The following VCAN variants were observed in gnomAD, a reference collection of about 807,000 sequenced individuals.
The protein encoded by VCAN is versican.
A neutral mutation model predicts 245.5 loss-of-function variants in VCAN; 44 were observed. The ratio of observed to expected loss-of-function variants is 0.18; its 90% CI spans 0.14 to 0.23. VCAN has a LOEUF of 0.23. Ranked by LOEUF, VCAN falls within the 10% of genes least tolerant of loss-of-function variation. The pLI is 1.00. For synonymous variants in VCAN, 1,413 were observed against 1,437.0 expected (o/e 0.98, Z 0.38); for missense variants, 3,793 against 4,057.9 (o/e 0.93, Z 1.77).
At chr5:83,567,137 G>A (rs972785948) in intron 12 of VCAN, among the ~76,000 whole-genome samples, 5 of 152,004 alleles carry the variant, frequency 3.3e-5, no homozygotes, top group Non-Finnish European at 7.4e-5. Context: ...TTACAGACCT[G>A]GAGAACTAGT....
At position 83,538,542 on chromosome 5, in the gene VCAN, A is replaced by T; in HGVS notation, c.5539A>T (p.Thr1847Ser). Residue 1847 changes from threonine to serine, a missense_variant, in exon 8 of 15, where the codon ACC (threonine) becomes TCC (serine). Transcript: ENST00000265077. ...AGAAGCTGCTGCCGACCCAGAAACC[A>T]CCACTGTTTCTTCATTTTCATTAAA... ...SGEAAADPET[T>S]TVSSFSLNVE... is the part of the protein sequence containing the mutation. 1 of 1,614,048 alleles carries T rather than the reference A, an allele frequency of 6.2e-7. No individual in the cohort carries two copies. Among genetic ancestry groups the T allele is most frequent in the Non-Finnish European group, 8.5e-7 (1 of 1,179,964 alleles).
rs199985410 is a variant in VCAN, at chr5:83,520,989, T to C, written c.2683T>C (p.Ser895Pro). The C allele has an allele frequency of 1.5e-5, 25 of 1,613,964 alleles. No homozygotes were observed. The Admixed American group carries it at 3.2e-4, about 20-fold the overall frequency. Residue 895 changes from serine to proline, a missense_variant, in exon 7 of 15, where the codon TCA becomes CCA. Transcript: ENST00000265077. ...TACATCAACTGGTATTGCAGAAAAG[T>C]CAACTTTGAGAGATTCTACAACTGA... is the stretch of plus-strand genomic sequence containing the variant. ...PTTSTGIAEK[S>P]TLRDSTTEEK... is the part of the protein sequence containing the mutation.
chr5:83,473,187 T>C (rs987708827), intron 1 of VCAN, among the ~76,000 whole-genome samples: 31 of 152,304 alleles, frequency 2.0e-4, no homozygotes, highest in Non-Finnish European at 3.5e-4. Context: ...GCGACATCCC[T>C]GGTGCGTGCA....
intron 2 of VCAN, among the ~76,000 whole-genome samples, chr5:83,488,479 C>A (rs957051485): frequency 1.9e-4 from 29 of 152,158 alleles, no homozygotes; most frequent in African/African-American, 7.0e-4. Context: ...CATCTGGGAG[C>A]TTATCCTTCC....
At chr5:83,505,732 C>G (rs1580614101) in intron 5 of VCAN, among the ~76,000 whole-genome samples, 2 of 152,196 alleles carry the variant, frequency 1.3e-5, no homozygotes, top group South Asian at 2.1e-4. Flanking sequence ...GGGGCTCCAA[C>G]CCCACATTTC....
chr5:83,564,850 CAT>C (rs1017169412), intron 12 of VCAN, among the ~76,000 whole-genome samples: 2 of 152,048 alleles, frequency 1.3e-5, no homozygotes, highest in Non-Finnish European at 2.9e-5. Context: ...TGACTACACA[CAT>C]GTCAAGAATG....
chr5:83,553,287 C>T (rs1747539698), intron 10 of VCAN, 77 bp from the exon 11 acceptor site: 1 of 1,583,832 alleles, frequency 6.3e-7, no homozygotes, highest in Non-Finnish European at 8.6e-7. Context: ...CTTGGGTATC[C>T]TACTAACACT....
At position 83,483,528 on chromosome 5, in the gene VCAN, A is replaced by G. The variant is rs1744684342; in HGVS notation, c.10A>G (p.Asn4Asp). The G allele has an allele frequency of 6.2e-7, 1 of 1,613,296 alleles. No individual in the cohort carries two copies. The change falls in exon 2 of 15, where the codon AAT becomes GAT. Residue 4 changes from asparagine to aspartate, a missense_variant. Coordinates refer to ENST00000265077, the MANE Select transcript of VCAN (RefSeq NM_004385.5). Reference sequence around the variant, plus strand: ...TCATTTCTAGGCCAAGATGTTCATAAATATAAAGAGCATCTTATGGATGTG... The same window carrying G: ...TCATTTCTAGGCCAAGATGTTCATAGATATAAAGAGCATCTTATGGATGTG... MFINIKSILWMCST... is the reference protein window; with the variant it reads MFIDIKSILWMCST...
At chr5:83,570,998 T>C (rs1417732550) in intron 12 of VCAN, among the ~76,000 whole-genome samples, 1 of 152,112 alleles carries the variant, frequency 6.6e-6, no homozygotes, top group Non-Finnish European at 1.5e-5. Context: ...AACAGATCTG[T>C]AGGCCCAGAA....
intron 7 of VCAN, among the ~76,000 whole-genome samples, chr5:83,532,450 A>G (rs1270532449): frequency 6.6e-6 from 1 of 152,108 alleles, no homozygotes; most frequent in Non-Finnish European, 1.5e-5. Flanking sequence ...AAAGTATGGG[A>G]AGAAATTATA....
At chr5:83,475,355 C>A (rs1015986293) in intron 1 of VCAN, among the ~76,000 whole-genome samples, 1 of 152,346 alleles carries the variant, frequency 6.6e-6, no homozygotes, top group African/African-American at 2.4e-5. Flanking sequence ...TTTTAAAGAT[C>A]TTTTCCATCA....
intron 5 of VCAN, among the ~76,000 whole-genome samples, chr5:83,508,659 A>G (rs1215676805): frequency 6.6e-6 from 1 of 152,224 alleles, no homozygotes; most frequent in Non-Finnish European, 1.5e-5. Flanking sequence ...TAAAGTAATT[A>G]TTGCTGAATA....
In VCAN at chr5:83,493,739, A is replaced by G. The variant is rs1343088077; in HGVS notation, c.620+19A>G. The G allele has an allele frequency of 6.2e-7, 1 of 1,614,166 alleles. No individual in the cohort carries two copies. Among genetic ancestry groups the G allele is most frequent in the Non-Finnish European group, 8.5e-7 (1 of 1,180,022 alleles). On this transcript the variant is annotated intron_variant, in intron 4 of 14. Coordinates refer to ENST00000265077, the MANE Select transcript of VCAN (RefSeq NM_004385.5). ...CTGTCAGGTAAGAGGTCTGGGGGCC[A>G]CAGGCTTCATTATTAACTTGAGAGT... is the stretch of plus-strand genomic sequence containing the variant.
Position 83,538,767 on chromosome 5 carries a change from A to T in VCAN, c.5764A>T (p.Arg1922Trp). 6.2e-7 allele frequency: 1 copy of T among 1,614,004 alleles called. No homozygotes were observed. The highest frequency in any genetic ancestry group is 8.5e-7 in the Non-Finnish European group (1 of 1,179,962). The change falls in exon 8 of 15, where the codon AGG (arginine) becomes TGG (tryptophan). Residue 1922 changes from arginine (R) to tryptophan (W), a missense_variant. Physicochemically the swap from Arg to Trp is moderately radical, Grantham distance 101 (BLOSUM62 -3). Coordinates refer to ENST00000265077, the MANE Select transcript of VCAN (RefSeq NM_004385.5). ...AGAACCAAATTATGGGGCAGAAATAAGGGGCTTTTCCACAGGTTTTCCTTT... is the reference window on the plus strand; with the variant it reads ...AGAACCAAATTATGGGGCAGAAATATGGGGCTTTTCCACAGGTTTTCCTTT... ...LGEPNYGAEI[R>W]GFSTGFPLEE...
intron 12 of VCAN, among the ~76,000 whole-genome samples, chr5:83,568,415 A>G (rs973790727): frequency 2.0e-5 from 3 of 152,208 alleles, no homozygotes. Context: ...TCTGCCAAGC[A>G]ACAACAGGAA....
intron 8 of VCAN, among the ~76,000 whole-genome samples, chr5:83,545,230 A>G (rs1018987450): frequency 1.3e-5 from 2 of 152,202 alleles, no homozygotes; most frequent in African/African-American, 4.8e-5. Context: ...ACTAAAATCA[A>G]TTGCCATTAT....
At chr5:83,570,825 C>T (rs1748259518) in intron 12 of VCAN, among the ~76,000 whole-genome samples, 1 of 145,978 alleles carries the variant, frequency 6.9e-6, no homozygotes, top group Admixed American at 6.8e-5. Flanking sequence ...TGGACCTTCC[C>T]TTTTTTTTTT....
In VCAN at chr5:83,538,128, A is replaced by G; in HGVS notation, c.5125A>G (p.Thr1709Ala). The G allele has an allele frequency of 6.2e-7, 1 of 1,614,054 alleles. No homozygotes were observed. ...KVVPTKFVSE[T>A]DTSEWISSTT... Reference sequence around the variant, plus strand: ...GGTGCCTACCAAGTTTGTAAGTGAAACAGACACTTCTGAGTGGATTTCCAG... The same window carrying G: ...GGTGCCTACCAAGTTTGTAAGTGAAGCAGACACTTCTGAGTGGATTTCCAG... Residue 1709 changes from threonine (T) to alanine (A), a missense_variant, in exon 8 of 15, where the codon ACA becomes GCA. By Grantham distance (58) the Thr-to-Ala change is moderately conservative (BLOSUM62 0). This residue lies in a region of VCAN where 3,182 missense variants were observed against 3,250.3 expected (regional missense o/e 0.98). Coordinates refer to ENST00000265077, the MANE Select transcript of VCAN (RefSeq NM_004385.5).
In VCAN at chr5:83,539,115, T is replaced by A; in HGVS notation, c.6112T>A (p.Ser2038Thr). 6.2e-7 allele frequency: 1 copy of A among 1,614,010 alleles called. No individual in the cohort carries two copies. The highest frequency in any genetic ancestry group is 2.2e-5 in the East Asian group (1 of 44,834). Residue 2038 changes from serine (S) to threonine (T), a missense_variant, in exon 8 of 15, where the codon TCC becomes ACC. Ser to Thr is a moderately conservative substitution (Grantham distance 58, BLOSUM62 1). Coordinates refer to ENST00000265077, the MANE Select transcript of VCAN (RefSeq NM_004385.5). ...SAVQKFSGTA[S>T]SIIDEGLGEV... ...TGTGCAAAAGTTTTCTGGTACAGCT[T>A]CCTCCATTATCGACGAAGGATTGGG... is the stretch of plus-strand genomic sequence containing the variant.
Sources: allele counts gnomAD v4.1 joint callset (sites outside exome capture counted in the v4.1 genomes callset), GRCh38; gene constraint gnomAD v4.1.1; regional missense constraint gnomAD v4.1.1; transcripts MANE v1.5; gene names NCBI Gene and HGNC (gene_info 2026-07-23, HGNC 2026-07-21).